Variants in ZNF710 observed in about 807,000 individuals in gnomAD.
ZNF710 encodes the protein zinc finger protein 710.
In ZNF710, 13 loss-of-function variants were observed where a neutral mutation model predicts 50.6. The observed-to-expected ratio is 0.26, with a 90% CI of 0.17 to 0.41. The LOEUF is 0.41. ZNF710 is among the 10% of genes least tolerant of loss of function. The pLI is 1.00. For missense variants in ZNF710, 721 were observed against 936.6 expected (o/e 0.77, Z 3.01); for synonymous variants, 383 against 397.0 (o/e 0.96, Z 0.42).
chr15:90,067,302 C>T lies in ZNF710; in HGVS notation c.165C>T (p.Ala55=). The change falls in exon 2 of 5, where the codon GCC becomes GCT. Residue 55 remains alanine (A), a synonymous_variant. Transcript: ENST00000268154. The surrounding 1 kb of genome is among the most constrained non-coding windows in gnomAD (Gnocchi z 8.1). The part of the protein sequence containing the change: ...PDLGPELSGA[A]MGEPEPPGPD... ...TGGGGCCCGAGCTTTCAGGGGCAGC[C>T]ATGGGAGAGCCCGAGCCACCAGGCC... 6.2e-7 allele frequency: 1 copy of T among 1,610,452 alleles called. No homozygotes were observed. The highest frequency in any genetic ancestry group is 8.5e-7 in the Non-Finnish European group (1 of 1,178,652).
At chr15:90,017,069 G>A (rs1898477346) in intron 1 of ZNF710, among the ~76,000 whole-genome samples, 1 of 152,226 alleles carries the variant, frequency 6.6e-6, no homozygotes, top group African/African-American at 2.4e-5. Context: ...CAGGTGCTGA[G>A]GGAGCATTTC....
chr15:90,066,221 A>T (rs1761076028), intron 1 of ZNF710, among the ~76,000 whole-genome samples: 1 of 152,034 alleles, frequency 6.6e-6, no homozygotes, highest in African/African-American at 2.4e-5. Flanking sequence ...CACCTAGTTT[A>T]TTTTTTTATA....
chr15:90,059,047 C>G lies in ZNF710; in HGVS notation c.-28-8063C>G, dbSNP rs919082878. 6.6e-6 allele frequency among the ~76,000 whole-genome samples: 1 copy of G among 152,240 alleles called. No individual in the cohort carries two copies. The highest frequency in any genetic ancestry group is 1.5e-5 in the Non-Finnish European group (1 of 68,054). Reference sequence around the variant, plus strand: ...CCAAGCACACAGCCGGGCACCATAGCTTAGCCAAGATGACGCATATGATTT... The same window carrying G: ...CCAAGCACACAGCCGGGCACCATAGGTTAGCCAAGATGACGCATATGATTT... On this transcript the variant is annotated intron_variant, in intron 1 of 4. Coordinates refer to ENST00000268154, the MANE Select transcript of ZNF710 (RefSeq NM_198526.4). The surrounding 1 kb of genome is among the most constrained non-coding windows in gnomAD (Gnocchi z 4.1).
rs942621538 is a variant in ZNF710 at position 90,069,010 on chromosome 15, C to T, written c.1458+415C>T. ...TGCGAGGCCAAGGCGGGCAGATCAC[C>T]TGAGGTCAGGAGTTCAAGACCAGCC... On this transcript the variant is annotated intron_variant, in intron 2 of 4. Coordinates refer to ENST00000268154, the MANE Select transcript of ZNF710 (RefSeq NM_198526.4). Among the ~76,000 whole-genome samples the T allele has an allele frequency of 3.9e-5, 6 of 152,118 alleles. No homozygotes were observed. In the East Asian group the frequency reaches 5.8e-4, roughly 15 times the overall value.
At chr15:90,011,423 T>C (rs1358878292) in intron 1 of ZNF710, among the ~76,000 whole-genome samples, 2 of 152,254 alleles carry the variant, frequency 1.3e-5, no homozygotes, top group African/African-American at 4.8e-5. Context: ...AGGCAGACTG[T>C]GTAATGTTCA....
At chr15:90,063,216 G>A (rs1225993334) in intron 1 of ZNF710, among the ~76,000 whole-genome samples, 5 of 152,168 alleles carry the variant, frequency 3.3e-5, no homozygotes, top group African/African-American at 9.7e-5. Flanking sequence ...ACCTCCGCGG[G>A]TGCATAGCTG....
chr15:90,032,997 T>C (rs556234776), intron 1 of ZNF710, among the ~76,000 whole-genome samples: 1 of 152,328 alleles, frequency 6.6e-6, no homozygotes, highest in African/African-American at 2.4e-5. Context: ...CATTTAAAAT[T>C]CTTTAATTTA....
At chr15:90,044,300 A>G (rs1295275674) in intron 1 of ZNF710, among the ~76,000 whole-genome samples, 1 of 152,210 alleles carries the variant, frequency 6.6e-6, no homozygotes, top group African/African-American at 2.4e-5. Flanking sequence ...TATGGGGCTC[A>G]AGATGAGGGT....
At chr15:90,041,891 G>GTTTTTT (rs1899304682) in intron 1 of ZNF710, among the ~76,000 whole-genome samples, 1 of 120,334 alleles carries the variant, frequency 8.3e-6, no homozygotes. Flanking sequence ...CTTTGTTTTT[G>GTTTTTT]ATTTTTTTTT....
chr15:90,050,064 T>C (rs1179894138), intron 1 of ZNF710, among the ~76,000 whole-genome samples: 1 of 152,232 alleles, frequency 6.6e-6, no homozygotes, highest in Non-Finnish European at 1.5e-5. Context: ...CGCATGTGTC[T>C]GATGTCTGCG....
At chr15:90,002,112 TCCCCCCACACCCGG>T (rs1898028904) in intron 1 of ZNF710, among the ~76,000 whole-genome samples, 1 of 146,528 alleles carries the variant, frequency 6.8e-6, no homozygotes, top group African/African-American at 2.6e-5. Context: ...CTGGGTGCGC[TCCCCCCACACCCGG>T]CCCGGGACTC....
intron 1 of ZNF710, among the ~76,000 whole-genome samples, chr15:90,024,488 G>C (rs1251817489): frequency 6.6e-6 from 1 of 152,234 alleles, no homozygotes; most frequent in African/African-American, 2.4e-5. Flanking sequence ...GGGTGGCAGA[G>C]AAAGAGAGGA....
At position 90,034,753 on chromosome 15, in the gene ZNF710, C is replaced by G. The variant is rs191736819; in HGVS notation, c.-28-32357C>G. 2.0e-5 allele frequency among the ~76,000 whole-genome samples: 3 copies of G among 152,304 alleles called. No individual in the cohort carries two copies. The highest frequency in any genetic ancestry group is 2.0e-4 in the Admixed American group (3 of 15,304). ...TTGTTCTGGCCGTGGGTGGGGCACC[C>G]GGCTCCACCTGCCTCAGGTTTTGCC... On this transcript the variant is annotated intron_variant, in intron 1 of 4. Coordinates refer to ENST00000268154, the MANE Select transcript of ZNF710 (RefSeq NM_198526.4). This position sits in a 1 kb window ranked among gnomAD's most constrained non-coding sequence, Gnocchi z 4.0.
intron 1 of ZNF710, among the ~76,000 whole-genome samples, chr15:90,023,048 A>G (rs1339179315): frequency 6.6e-6 from 1 of 152,204 alleles, no homozygotes; most frequent in Non-Finnish European, 1.5e-5. Flanking sequence ...GATTCTTTGA[A>G]TTCAGTGACC....
intron 1 of ZNF710, among the ~76,000 whole-genome samples, chr15:90,065,640 G>A (rs1900146685): frequency 6.6e-6 from 1 of 152,224 alleles, no homozygotes; most frequent in South Asian, 2.1e-4. Context: ...TCCACAGACG[G>A]CTCACGGAGC....
rs372462461 is a variant in ZNF710 at position 90,067,353 on chromosome 15, C to T, written c.216C>T (p.Asn72=). Residue 72 remains asparagine, a synonymous_variant, in exon 2 of 5, where the codon AAC becomes AAT. Coordinates refer to ENST00000268154, the MANE Select transcript of ZNF710 (RefSeq NM_198526.4). This position sits in a 1 kb window ranked among gnomAD's most constrained non-coding sequence, Gnocchi z 8.1. ...PGPDVYQLAC[N]GRALEEPAEE... The stretch of plus-strand genomic sequence containing the variant: ...CCGACGTCTACCAGCTGGCCTGCAA[C>T]GGGAGGGCCTTGGAGGAGCCGGCGG... 28 of 1,599,654 alleles carry T rather than the reference C, an allele frequency of 1.8e-5. No individual in the cohort carries two copies. Among genetic ancestry groups the T allele is most frequent in the South Asian group, 1.7e-4 (15 of 89,224 alleles).
intron 1 of ZNF710, among the ~76,000 whole-genome samples, chr15:90,044,593 C>T (rs1298373765): frequency 2.0e-5 from 3 of 152,232 alleles, no homozygotes; most frequent in African/African-American, 7.2e-5. Flanking sequence ...TTCAAAATGT[C>T]ACCTGGGAGC....
chr15:90,036,957 A>G (rs1037753229), intron 1 of ZNF710, among the ~76,000 whole-genome samples: 2 of 152,224 alleles, frequency 1.3e-5, no homozygotes, highest in African/African-American at 2.4e-5. Flanking sequence ...CACATTTCAA[A>G]GAACGCAAGA....
chr15:90,011,610 T>C (rs1051417223), intron 1 of ZNF710, among the ~76,000 whole-genome samples: 3 of 152,244 alleles, frequency 2.0e-5, no homozygotes, highest in Non-Finnish European at 2.9e-5. Context: ...GTTTTTATTT[T>C]CCACATATTT....
Sources: gnomAD v4.1 joint callset for allele counts (sites outside exome capture counted in the v4.1 genomes callset) on GRCh38, gnomAD v4.1.1 for gene constraint, Gnocchi (gnomAD v3.1) non-coding constraint, MANE v1.5 for transcripts, NCBI Gene and HGNC (gene_info 2026-07-23, HGNC 2026-07-21) for gene names.